Variants in SMCHD1 observed in about 807,000 individuals in gnomAD.
SMCHD1 encodes the protein structural maintenance of chromosomes flexible hinge domain containing 1.
SMCHD1 carries 78 observed loss-of-function variants against 254.7 expected under a neutral mutation model. That is an observed-to-expected ratio of 0.31 (90% CI 0.26 to 0.37). The LOEUF (loss-of-function observed/expected upper bound fraction) is 0.37, where lower values mean the gene tolerates loss of function less well. SMCHD1 is among the 10% of genes least tolerant of loss of function. The pLI, the probability that SMCHD1 is intolerant of heterozygous loss-of-function variation, is 1.00. For missense variants in SMCHD1, 1,840 were observed against 2,408.1 expected, an observed-to-expected ratio of 0.76 and a Z score of 4.94; for synonymous variants, 766 against 794.9, an observed-to-expected ratio of 0.96 and a Z score of 0.61.
chr18:2,796,556 A>G, intron 47 of SMCHD1, 35 bp downstream of exon 47: 1 of 1,338,718 alleles, frequency 7.5e-7, no homozygotes, highest in South Asian at 1.3e-5. Flanking sequence ...ATGCTTGGTT[A>G]GTTTACCAAA....
In SMCHD1 at chr18:2,728,505, T is replaced by G; in HGVS notation, c.2822T>G (p.Ile941Arg). The G allele has an allele frequency of 6.2e-7, 1 of 1,613,274 alleles. No individual in the cohort carries two copies. Among genetic ancestry groups the G allele is most frequent in the South Asian group, 1.1e-5 (1 of 91,010 alleles). The stretch of plus-strand genomic sequence containing the variant: ...AAACCTGATTCTGAAATTTTAGTTA[T>G]AGAAAATGGAACAGCTTTCCCATTT... ...KVKPDSEILV[I>R]ENGTAFPFQV... The change falls in exon 23 of 48, where the codon ATA becomes AGA. Residue 941 changes from isoleucine to arginine, a missense_variant. Transcript: ENST00000320876.
chr18:2,782,744 C>CAAAAAAAAAAAAAAAA (rs779083565), intron 44 of SMCHD1, among the ~76,000 whole-genome samples: 5 of 44,982 alleles, frequency 1.1e-4, no homozygotes, highest in East Asian at 5.7e-4. Context: ...GACCACAACT[C>CAAAAAAAAAAAAAAAA]AAAAAAAAAA....
In SMCHD1 at chr18:2,743,894, A is replaced by G. The variant is rs1397291608; in HGVS notation, c.3767A>G (p.Lys1256Arg). The G allele has an allele frequency of 3.7e-6, 6 of 1,613,110 alleles. No individual in the cohort carries two copies. The highest frequency in any genetic ancestry group is 8.5e-7 in the Non-Finnish European group (1 of 1,179,512). The change falls in exon 29 of 48, where the codon AAA (lysine) becomes AGA (arginine). Residue 1256 changes from lysine (K) to arginine (R), a missense_variant. Transcript: ENST00000320876. Reference protein sequence around the residue: ...RVQLISGPPAKLLLIDWPELK... With the variant: ...RVQLISGPPARLLLIDWPELK... ...CAACTAATTTCTGGACCTCCTGCTA[A>G]ACTTCTCCTTATAGACTGGCCAGAA...
chr18:2,731,163 G>GGT (rs2075131654), intron 24 of SMCHD1, among the ~76,000 whole-genome samples: 1 of 152,192 alleles, frequency 6.6e-6, no homozygotes, highest in South Asian at 2.1e-4. Flanking sequence ...CATTCCATGA[G>GGT]GTAGGAATTT....
intron 30 of SMCHD1, 118 bp downstream of exon 30, chr18:2,747,765 ATTGC>A: frequency 1.1e-6 from 1 of 912,470 alleles, no homozygotes; most frequent in Non-Finnish European, 1.6e-6. Context: ...AATCTTTATT[ATTGC>A]TTAGTGTAAA....
rs191233390 is a variant in SMCHD1 at position 2,786,446 on chromosome 18, C to T, written c.5719+1825C>T. On this transcript the variant is annotated intron_variant, in intron 45 of 47. Transcript: ENST00000320876. The stretch of plus-strand genomic sequence containing the variant: ...GTGGCTCACACCTGTAATCCCAGCA[C>T]TTTGGGAGGGCAAGGCAGGCGGATC... Among the ~76,000 whole-genome samples the T allele has an allele frequency of 9.0e-4, 137 of 152,192 alleles. 1 individual carries two copies. Among genetic ancestry groups the T allele is most frequent in the Middle Eastern group, 3.4e-3 (1 of 294 alleles).
At chr18:2,773,488 G>A (rs775042153) in intron 41 of SMCHD1, among the ~76,000 whole-genome samples, 19 of 151,980 alleles carry the variant, frequency 1.3e-4, no homozygotes, top group African/African-American at 2.4e-4. Flanking sequence ...TTGAAATTTC[G>A]TTTTACATAG....
At chr18:2,660,727 C>T (rs1159416422) in intron 1 of SMCHD1, among the ~76,000 whole-genome samples, 1 of 151,966 alleles carries the variant, frequency 6.6e-6, no homozygotes, top group Non-Finnish European at 1.5e-5. Flanking sequence ...ATCTACCCAC[C>T]TCGGCCTCCA....
At position 2,732,255 on chromosome 18, in the gene SMCHD1, C is replaced by T; in HGVS notation, c.3049-10C>T. 3 of 1,603,542 alleles carry T rather than the reference C, an allele frequency of 1.9e-6. No individual in the cohort carries two copies. The highest frequency in any genetic ancestry group is 2.6e-6 in the Non-Finnish European group (3 of 1,173,364). On this transcript the variant is annotated splice_polypyrimidine_tract_variant and intron_variant, in intron 24 of 47. Transcript: ENST00000320876. ...TATCACTCAGTGTTTGTGTTTTCTT[C>T]TCTTTCTAGAGTTGTAAAGATGTGG...
At chr18:2,757,072 C>T (rs1433947111) in intron 34 of SMCHD1, among the ~76,000 whole-genome samples, 2 of 151,882 alleles carry the variant, frequency 1.3e-5, no homozygotes, top group Non-Finnish European at 2.9e-5. Flanking sequence ...GGTTTTTTAG[C>T]TCATTTATTT....
chr18:2,799,039 A>G (rs2076312625), intron 47 of SMCHD1, among the ~76,000 whole-genome samples: 1 of 152,230 alleles, frequency 6.6e-6, no homozygotes, highest in Non-Finnish European at 1.5e-5. Context: ...TGTTAGTAGT[A>G]TAATGATCAT....
chr18:2,747,793 T>A lies in SMCHD1; in HGVS notation c.3927+146T>A, dbSNP rs550915808. ...GCTTAGTGTAAATAAACCTCAAAAATTTTTAAAATTATTTTGAGGAAATAA... is the reference window on the plus strand; with the variant it reads ...GCTTAGTGTAAATAAACCTCAAAAAATTTTAAAATTATTTTGAGGAAATAA... On this transcript the variant is annotated intron_variant, in intron 30 of 47. Transcript: ENST00000320876. 748 of 706,622 alleles carry A rather than the reference T, an allele frequency of 1.1e-3. 2 individuals carry two copies. The highest frequency in any genetic ancestry group is 1.3e-3 in the Non-Finnish European group (617 of 462,242). The allele number at this position is 706,622 out of a possible 1,614,324, so 43.8% of individuals were successfully genotyped here. A position where few individuals can be genotyped will look rare whatever the true frequency, so the allele number is the denominator to read the frequency against.
intron 25 of SMCHD1, among the ~76,000 whole-genome samples, chr18:2,734,528 T>C (rs2075207931): frequency 6.6e-6 from 1 of 152,166 alleles, no homozygotes; most frequent in African/African-American, 2.4e-5. Flanking sequence ...TTGAGAGAAT[T>C]AAGCCAAGAT....
intron 37 of SMCHD1, among the ~76,000 whole-genome samples, chr18:2,765,218 T>C (rs1598420191): frequency 6.6e-6 from 1 of 152,206 alleles, no homozygotes; most frequent in Non-Finnish European, 1.5e-5. Context: ...CCTTTGTTTA[T>C]ATTGGAGGGG....
At chr18:2,690,019 A>G (rs1362114596) in intron 7 of SMCHD1, among the ~76,000 whole-genome samples, 2 of 152,126 alleles carry the variant, frequency 1.3e-5, no homozygotes, top group Non-Finnish European at 2.9e-5. Flanking sequence ...TCTCAAAAAC[A>G]ATAAAAAATT....
At chr18:2,755,212 G>A (rs931473674) in intron 34 of SMCHD1, among the ~76,000 whole-genome samples, 4 of 151,868 alleles carry the variant, frequency 2.6e-5, no homozygotes, top group South Asian at 2.1e-4. Flanking sequence ...ACAGCACTAC[G>A]CCTGACTTAT....
At chr18:2,691,953 A>G (rs1225231487) in intron 7 of SMCHD1, 1 of 152,272 alleles carries the variant, frequency 6.6e-6, no homozygotes, top group Non-Finnish European at 1.5e-5. Flanking sequence ...AAACCTGGTT[A>G]CTGATCTTTC....
chr18:2,770,808 A>G (rs1313869751), intron 39 of SMCHD1, among the ~76,000 whole-genome samples: 4 of 151,914 alleles, frequency 2.6e-5, no homozygotes, highest in African/African-American at 7.3e-5. Context: ...TTTAGTAGAG[A>G]CGGGGTTTCA....
chr18:2,701,588 A>G (rs567323096), intron 12 of SMCHD1, among the ~76,000 whole-genome samples: 1 of 152,338 alleles, frequency 6.6e-6, no homozygotes, highest in South Asian at 2.1e-4. Flanking sequence ...TGCAATTTTT[A>G]GCTAGTCTTG....
Sources: allele counts gnomAD v4.1 joint callset (sites outside exome capture counted in the v4.1 genomes callset), GRCh38; gene constraint gnomAD v4.1.1; transcripts MANE v1.5; gene names NCBI Gene and HGNC (gene_info 2026-07-23, HGNC 2026-07-21).